The following SLC24A2 variants were observed in gnomAD, a reference collection of about 807,000 sequenced individuals.
SLC24A2 encodes the protein sodium/potassium/calcium exchanger 2.
SLC24A2 carries 36 observed loss-of-function variants against 62.0 expected under a neutral mutation model. The observed-to-expected ratio is 0.58, with a 90% confidence interval of 0.44 to 0.77. SLC24A2 has a LOEUF of 0.77. Among genes scored for constraint, SLC24A2 ranks in the 30% least tolerant of loss-of-function variants. The pLI, the probability that SLC24A2 is intolerant of heterozygous loss-of-function variation, is 0.00. For synonymous variants in SLC24A2, 358 were observed against 294.0 expected (o/e 1.22, Z -2.23); for missense variants, 846 against 817.9 (o/e 1.03, Z -0.42).
intron 2 of SLC24A2, among the ~76,000 whole-genome samples, chr9:19,631,127 T>A (rs1024514464): frequency 1.3e-5 from 2 of 152,238 alleles, no homozygotes; most frequent in Admixed American, 6.5e-5. Context: ...CTATTTCATT[T>A]GATATTATTC....
the SLC24A2 span, among the ~76,000 whole-genome samples, chr9:19,923,053 AAAAG>A: frequency 1.9e-4 from 29 of 151,410 alleles, no homozygotes; most frequent in Non-Finnish European, 3.8e-4. Flanking sequence ...AAAAAATGTT[AAAAG>A]AAATAAAGAC....
At chr9:19,932,599 C>G in the SLC24A2 span, among the ~76,000 whole-genome samples, 138 of 152,220 alleles carry the variant, frequency 9.1e-4, 4 homozygotes, top group Non-Finnish European at 8.5e-4. Context: ...GAGAATTTAC[C>G]TAAGTTCACT....
At chr9:19,554,772 G>T (rs906253729) in intron 7 of SLC24A2, among the ~76,000 whole-genome samples, 1 of 152,110 alleles carries the variant, frequency 6.6e-6, no homozygotes, top group African/African-American at 2.4e-5. Flanking sequence ...ATAATCTTGG[G>T]CCATGGGGTG....
At chr9:20,010,928 A>C in the SLC24A2 span, among the ~76,000 whole-genome samples, 1 of 152,066 alleles carries the variant, frequency 6.6e-6, no homozygotes, top group Non-Finnish European at 1.5e-5. Flanking sequence ...GTCCCTACAA[A>C]GGACAAGAAC....
At chr9:19,560,879 TTGTGTG>T (rs779469797) in intron 7 of SLC24A2, among the ~76,000 whole-genome samples, 2 of 137,066 alleles carry the variant, frequency 1.5e-5, no homozygotes, top group African/African-American at 2.7e-5. Context: ...GTCTTTGCAT[TTGTGTG>T]TGTGTGTGTG....
At chr9:20,039,392 AGGTTGGG>A in the SLC24A2 span, among the ~76,000 whole-genome samples, 138 of 152,200 alleles carry the variant, frequency 9.1e-4, no homozygotes, top group African/African-American at 3.3e-3. Flanking sequence ...GCTGAGGGAA[AGGTTGGG>A]AGGGAAACCC....
chr9:19,718,287 T>TG (rs1164103233), intron 2 of SLC24A2, among the ~76,000 whole-genome samples: 14 of 110,666 alleles, frequency 1.3e-4, no homozygotes, highest in African/African-American at 5.7e-4. Context: ...TTTAACACTT[T>TG]TTTTTTTTTT....
chr9:19,710,828 T>C (rs60622556), intron 2 of SLC24A2, among the ~76,000 whole-genome samples: 10 of 152,244 alleles, frequency 6.6e-5, no homozygotes, highest in African/African-American at 2.2e-4. Context: ...ATCAGCCAGC[T>C]AGGAGGGTGC....
rs1832636277 is a variant in SLC24A2 at position 19,509,565 on chromosome 9, A to C, written c.*6588T>G. ...AAAGTGCAATATTAAAAAATTAAAA[A>C]ACCCAAAAGGCATCCATTGTCCTTC... On this transcript the variant is annotated 3_prime_UTR_variant, in exon 11 of 11. Coordinates refer to ENST00000341998, the MANE Select transcript of SLC24A2 (RefSeq NM_020344.4). 9 of 152,174 alleles carry C rather than the reference A, an allele frequency of 5.9e-5. No individual in the cohort carries two copies. The highest frequency in any genetic ancestry group is 5.9e-4 in the Admixed American group (9 of 15,268). The allele number at this position is 152,174 out of a possible 1,614,324, so 9.4% of individuals were successfully genotyped here.
Position 19,520,744 on chromosome 9 carries a change from G to C in SLC24A2, c.1736+150C>G, listed in dbSNP as rs16937588. On this transcript the variant is annotated intron_variant, in intron 10 of 10. Coordinates refer to ENST00000341998, the MANE Select transcript of SLC24A2 (RefSeq NM_020344.4). ...AAATGAGAAAATGAGAAATAGAATT[G>C]GGGAAATGCAATGGTATTCTCAATC... 4.7e-3 allele frequency: 3,479 copies of C among 744,370 alleles called. 94 individuals are homozygous for C. In the African/African-American group the frequency reaches 0.055, roughly 12 times the overall value. 46.1% of individuals were successfully genotyped at this position (744,370 alleles called of 1,614,324 possible). A position where few individuals can be genotyped will look rare whatever the true frequency, so the allele number is the denominator to read the frequency against.
chr9:19,961,358 CCT>C, the SLC24A2 span, among the ~76,000 whole-genome samples: 1 of 152,076 alleles, frequency 6.6e-6, no homozygotes, highest in African/African-American at 2.4e-5. Flanking sequence ...AACTGGATTC[CCT>C]CTCTTTGTTT....
the SLC24A2 span, among the ~76,000 whole-genome samples, chr9:20,258,938 C>T: frequency 6.6e-6 from 1 of 152,050 alleles, no homozygotes; most frequent in Non-Finnish European, 1.5e-5. Context: ...CTAACTAAAA[C>T]ATTAAGTTAA....
At chr9:20,104,719 C>T in the SLC24A2 span, among the ~76,000 whole-genome samples, 1 of 152,316 alleles carries the variant, frequency 6.6e-6, no homozygotes, top group East Asian at 1.9e-4. Context: ...TGGAAAGGAA[C>T]AACCAGTACC....
chr9:20,151,079 T>A, the SLC24A2 span, among the ~76,000 whole-genome samples: 2 of 151,894 alleles, frequency 1.3e-5, no homozygotes, highest in African/African-American at 4.8e-5. Flanking sequence ...TCAAGAATCC[T>A]CTGTAGCGAA....
the SLC24A2 span, among the ~76,000 whole-genome samples, chr9:20,075,250 C>T: frequency 6.6e-6 from 1 of 152,130 alleles, no homozygotes; most frequent in East Asian, 1.9e-4. Flanking sequence ...GTGCCTAACA[C>T]CATGTTGAGT....
the SLC24A2 span, among the ~76,000 whole-genome samples, chr9:19,867,821 T>A: frequency 6.6e-6 from 1 of 152,102 alleles, no homozygotes; most frequent in Non-Finnish European, 1.5e-5. Context: ...GGCAGGTGAA[T>A]CGGTCGAACC....
At chr9:20,074,973 T>G in the SLC24A2 span, among the ~76,000 whole-genome samples, 1 of 152,220 alleles carries the variant, frequency 6.6e-6, no homozygotes, top group Non-Finnish European at 1.5e-5. Flanking sequence ...GTCAAGTTAC[T>G]CTGAACCTTG....
At chr9:19,727,995 C>T (rs890921332) in intron 2 of SLC24A2, among the ~76,000 whole-genome samples, 1 of 152,108 alleles carries the variant, frequency 6.6e-6, no homozygotes, top group Non-Finnish European at 1.5e-5. Context: ...GTGTTATCAG[C>T]CCTTTTCAAG....
intron 8 of SLC24A2, among the ~76,000 whole-genome samples, chr9:19,534,660 C>A (rs1458021527): frequency 6.6e-6 from 1 of 152,170 alleles, no homozygotes; most frequent in African/African-American, 2.4e-5. Context: ...TTTCCAGCTT[C>A]ATCCATGTCC....
Sources: gnomAD v4.1 joint callset for allele counts (sites outside exome capture counted in the v4.1 genomes callset) on GRCh38, gnomAD v4.1.1 for gene constraint, MANE v1.5 for transcripts, NCBI Gene and HGNC (gene_info 2026-07-23, HGNC 2026-07-21) for gene names.